Variants in KCNK5 observed in about 807,000 individuals in gnomAD.
The protein encoded by KCNK5 is potassium two pore domain channel subfamily K member 5, also known as potassium channel subfamily K member 5.
A neutral mutation model predicts 32.9 loss-of-function variants in KCNK5; 18 were observed. The observed-to-expected ratio is 0.55, with a 90% CI of 0.38 to 0.81. The LOEUF is 0.81. KCNK5 is among the 30% of genes least tolerant of loss of function. The probability of loss-of-function intolerance (pLI) is 0.00; values close to 1 mark genes in which losing one functional copy is unlikely to be tolerated. For synonymous variants in KCNK5, 276 were observed against 275.3 expected (o/e 1.00, Z -0.03); for missense variants, 507 against 651.0 (o/e 0.78, Z 2.41).
At position 39,191,433 on chromosome 6, in the gene KCNK5, C is replaced by T; in HGVS notation, c.957G>A (p.Gly319=). Reference sequence around the variant, plus strand: ...CCAGCCCTGGGCCCGGGCCCGTCTCCCCACCCCCGCTTGTCTTCATGGCCT... The same window carrying T: ...CCAGCCCTGGGCCCGGGCCCGTCTCTCCACCCCCGCTTGTCTTCATGGCCT... ...GKKAMKTSGG[G]ETGPGPGLGP... The change falls in exon 5 of 5, where the codon GGG becomes GGA. Residue 319 remains glycine (G), a synonymous_variant. Coordinates refer to ENST00000359534, the MANE Select transcript of KCNK5 (RefSeq NM_003740.4). The surrounding 1 kb of genome is among the most constrained non-coding windows in gnomAD (Gnocchi z 5.8). 6.2e-7 allele frequency: 1 copy of T among 1,613,232 alleles called. No homozygotes were observed. Among genetic ancestry groups the T allele is most frequent in the Non-Finnish European group, 8.5e-7 (1 of 1,179,920 alleles).
At chr6:39,207,523 G>A (rs934334399) in intron 1 of KCNK5, among the ~76,000 whole-genome samples, 2 of 151,992 alleles carry the variant, frequency 1.3e-5, no homozygotes, top group African/African-American at 4.8e-5. Context: ...AGGCCCCGGG[G>A]TCTCCTCCCT....
chr6:39,194,785 A>G lies in KCNK5; in HGVS notation c.299-25T>C. ...CCTGAGGAAGGAGAGAGTGAGGCCA[A>G]GAACAGGAGGGGTGGTCAAACCAGT... On this transcript the variant is annotated intron_variant, in intron 2 of 4. Transcript: ENST00000359534. The surrounding 1 kb of genome is among the most constrained non-coding windows in gnomAD (Gnocchi z 4.7). 1 of 1,611,870 alleles carries G rather than the reference A, an allele frequency of 6.2e-7. No homozygotes were observed. Among genetic ancestry groups the G allele is most frequent in the Non-Finnish European group, 8.5e-7 (1 of 1,178,472 alleles).
chr6:39,218,773 C>T (rs371736005), intron 1 of KCNK5, among the ~76,000 whole-genome samples: 5 of 151,850 alleles, frequency 3.3e-5, no homozygotes, highest in East Asian at 3.9e-4. Context: ...TCCAGTCATG[C>T]CAAAGGTGCC....
At chr6:39,197,611 A>G (rs1456346052) in intron 1 of KCNK5, among the ~76,000 whole-genome samples, 1 of 152,192 alleles carries the variant, frequency 6.6e-6, no homozygotes, top group Non-Finnish European at 1.5e-5. Flanking sequence ...AGCTAAAACA[A>G]ATACTAAGGA....
chr6:39,207,953 C>T (rs1198485471), intron 1 of KCNK5, among the ~76,000 whole-genome samples: 1 of 152,076 alleles, frequency 6.6e-6, no homozygotes, highest in African/African-American at 2.4e-5. Flanking sequence ...TAGGTTACAC[C>T]TGTATCCTTG....
At chr6:39,223,195 G>A (rs1388599420) in intron 1 of KCNK5, among the ~76,000 whole-genome samples, 2 of 152,188 alleles carry the variant, frequency 1.3e-5, no homozygotes, top group Non-Finnish European at 2.9e-5. Flanking sequence ...AACACTTAGT[G>A]AGCATTTACG....
intron 1 of KCNK5, among the ~76,000 whole-genome samples, chr6:39,208,579 C>T (rs1020143959): frequency 1.3e-5 from 2 of 152,250 alleles, no homozygotes; most frequent in African/African-American, 2.4e-5. Context: ...AGACAGACAA[C>T]AGCTGGCCTC....
intron 1 of KCNK5, among the ~76,000 whole-genome samples, chr6:39,214,625 G>A (rs2033226): frequency 0.22 from 32,785 of 152,032 alleles, 4,074 homozygotes; most frequent in Admixed American, 0.27. Context: ...GCTAGGTTTC[G>A]GATCCAATCA....
At chr6:39,225,530 C>T (rs1017612516) in intron 1 of KCNK5, among the ~76,000 whole-genome samples, 6 of 152,212 alleles carry the variant, frequency 3.9e-5, no homozygotes, top group African/African-American at 1.4e-4. Flanking sequence ...ATCACACCCC[C>T]ACTGTTTTTG....
At chr6:39,217,795 G>A (rs1447081219) in intron 1 of KCNK5, among the ~76,000 whole-genome samples, 1 of 152,204 alleles carries the variant, frequency 6.6e-6, no homozygotes, top group Non-Finnish European at 1.5e-5. Flanking sequence ...AAAGTCCAGG[G>A]CTGGAGAGAC....
At chr6:39,193,328 T>C (rs769478126) in intron 4 of KCNK5, among the ~76,000 whole-genome samples, 66 of 152,310 alleles carry the variant, frequency 4.3e-4, no homozygotes, top group South Asian at 6.2e-4. Context: ...CTCTCTTTCC[T>C]GTTCCTCCCC....
chr6:39,198,927 G>A (rs2113782380), intron 1 of KCNK5, among the ~76,000 whole-genome samples: 2 of 152,324 alleles, frequency 1.3e-5, no homozygotes, highest in East Asian at 1.9e-4. Context: ...CAAGGGTGTT[G>A]TGGAAGGTAT....
chr6:39,226,898 T>C (rs1771682103), intron 1 of KCNK5, among the ~76,000 whole-genome samples: 1 of 152,200 alleles, frequency 6.6e-6, no homozygotes, highest in Admixed American at 6.5e-5. Flanking sequence ...AACTTATCTA[T>C]AATAGCCTCC....
intron 1 of KCNK5, among the ~76,000 whole-genome samples, chr6:39,219,719 G>A (rs1771506622): frequency 6.6e-6 from 1 of 152,078 alleles, no homozygotes; most frequent in East Asian, 1.9e-4. Flanking sequence ...CACAGCTTTT[G>A]GCATCCCCCT....
intron 4 of KCNK5, among the ~76,000 whole-genome samples, chr6:39,192,267 G>A (rs1770953629): frequency 9.4e-6 from 1 of 106,582 alleles, no homozygotes; most frequent in Non-Finnish European, 1.7e-5. Flanking sequence ...CTGGGCAGCA[G>A]ACAGAGACTC....
intron 1 of KCNK5, among the ~76,000 whole-genome samples, chr6:39,216,267 A>C (rs950236769): frequency 4.6e-5 from 7 of 152,346 alleles, no homozygotes; most frequent in African/African-American, 1.7e-4. Flanking sequence ...CCTGGGCGAC[A>C]GAGTGAGACT....
chr6:39,191,900 C>A lies in KCNK5; in HGVS notation c.635-145G>T. 1.3e-6 allele frequency: 1 copy of A among 791,182 alleles called. No homozygotes were observed. Among genetic ancestry groups the A allele is most frequent in the African/African-American group, 1.7e-5 (1 of 57,912 alleles). 49.0% of individuals were successfully genotyped at this position (791,182 alleles called of 1,614,324 possible). Reference sequence around the variant, plus strand: ...GGATAGAAAGGGGCCTGTTCTAGACCCTGGACTATCCCATCTTCCTCAAGG... The same window carrying A: ...GGATAGAAAGGGGCCTGTTCTAGACACTGGACTATCCCATCTTCCTCAAGG... On this transcript the variant is annotated intron_variant, in intron 4 of 4. Coordinates refer to ENST00000359534, the MANE Select transcript of KCNK5 (RefSeq NM_003740.4). The surrounding 1 kb of genome is among the most constrained non-coding windows in gnomAD (Gnocchi z 5.8).
chr6:39,190,849 G>C lies in KCNK5; in HGVS notation c.*41C>G. 5 of 1,448,826 alleles carry C rather than the reference G, an allele frequency of 3.5e-6. No homozygotes were observed. Among genetic ancestry groups the C allele is most frequent in the African/African-American group, 1.4e-5 (1 of 69,982 alleles). 89.7% of individuals were successfully genotyped at this position (1,448,826 alleles called of 1,614,324 possible). A position where few individuals can be genotyped will look rare whatever the true frequency, so the allele number is the denominator to read the frequency against. ...TCTCGGGACACCCTAGGGTGAGGGG[G>C]GAAGAGGCCATCAAAGGTGGGGTGG... On this transcript the variant is annotated 3_prime_UTR_variant, in exon 5 of 5. Coordinates refer to ENST00000359534, the MANE Select transcript of KCNK5 (RefSeq NM_003740.4).
At chr6:39,222,344 AAAGG>A (rs1771568781) in intron 1 of KCNK5, among the ~76,000 whole-genome samples, 1 of 152,168 alleles carries the variant, frequency 6.6e-6, no homozygotes, top group South Asian at 2.1e-4. Flanking sequence ...TCAGCAGGAG[AAAGG>A]AAGGAGGGGG....
Sources: allele counts gnomAD v4.1 joint callset (sites outside exome capture counted in the v4.1 genomes callset), GRCh38; gene constraint gnomAD v4.1.1; non-coding constraint Gnocchi (gnomAD v3.1); transcripts MANE v1.5; gene names NCBI Gene and HGNC (gene_info 2026-07-23, HGNC 2026-07-21).